The following ACSM4 variants were observed in gnomAD, a reference collection of about 807,000 sequenced individuals.
ACSM4 encodes the protein acyl-coenzyme A synthetase ACSM4, mitochondrial.
In ACSM4, 66 loss-of-function variants were observed where a neutral mutation model predicts 73.0. That is an observed-to-expected ratio of 0.90 (90% CI 0.74 to 1.11). ACSM4 has a LOEUF of 1.11. ACSM4 is among the 50% of genes least tolerant of loss of function. The pLI is 0.00. For missense variants in ACSM4, 645 were observed against 714.4 expected (o/e 0.90, Z 1.11); for synonymous variants, 222 against 254.0 (o/e 0.87, Z 1.20).
chr12:7,304,638 C>A, intron 1 of ACSM4, 106 bp downstream of exon 1: 2 of 1,185,864 alleles, frequency 1.7e-6, no homozygotes, highest in Non-Finnish European at 2.4e-6. Context: ...ACTCTCTCAC[C>A]CTCTTGGTTT....
chr12:7,323,569 A>G lies in ACSM4; in HGVS notation c.1308+9A>G, dbSNP rs1591846483. ...TCTTCTCTAAATATGTGGTATGAGG[A>G]TAGAAAGTGCTGGTCATGCTTAATA... On this transcript the variant is annotated intron_variant, in intron 9 of 12. Transcript: ENST00000399422. 1.2e-6 allele frequency: 2 copies of G among 1,606,698 alleles called. No individual in the cohort carries two copies. Among genetic ancestry groups the G allele is most frequent in the African/African-American group, 2.7e-5 (2 of 74,888 alleles).
chr12:7,311,647 AG>A (rs1414240767), intron 3 of ACSM4, among the ~76,000 whole-genome samples: 2 of 152,218 alleles, frequency 1.3e-5, no homozygotes, highest in Non-Finnish European at 2.9e-5. Context: ...TGGCAAATTC[AG>A]GCCCACAGGC....
chr12:7,322,073 C>T (rs960195408), intron 6 of ACSM4, among the ~76,000 whole-genome samples: 11 of 152,262 alleles, frequency 7.2e-5, no homozygotes, highest in Non-Finnish European at 1.5e-4. Context: ...TACAACATAG[C>T]GACTGATCAA....
chr12:7,320,690 C>A, intron 5 of ACSM4, 35 bp from the exon 6 acceptor site: 1 of 1,564,822 alleles, frequency 6.4e-7, no homozygotes, highest in African/African-American at 1.4e-5. Flanking sequence ...TTTGAATGAC[C>A]ACTTCTGACA....
At chr12:7,328,238 T>C (rs749015252) in intron 12 of ACSM4, 49 bp from the exon 13 acceptor site, 4 of 1,424,672 alleles carry the variant, frequency 2.8e-6, no homozygotes, top group Non-Finnish European at 2.9e-6. Flanking sequence ...GCACGGACAA[T>C]TGGAAGGATG....
intron 6 of ACSM4, 77 bp from the exon 7 acceptor site, chr12:7,322,341 C>T: frequency 6.3e-7 from 1 of 1,591,880 alleles, no homozygotes; most frequent in Non-Finnish European, 8.6e-7. Context: ...ATGCTTACTG[C>T]TTGAATGTCC....
chr12:7,325,355 G>A (rs1301698598), intron 11 of ACSM4, among the ~76,000 whole-genome samples: 2 of 152,214 alleles, frequency 1.3e-5, no homozygotes, highest in African/African-American at 4.8e-5. Context: ...AAGACAAATA[G>A]AAAATGGTGG....
intron 11 of ACSM4, among the ~76,000 whole-genome samples, chr12:7,326,503 C>T (rs1200824242): frequency 6.6e-6 from 1 of 152,176 alleles, no homozygotes; most frequent in African/African-American, 2.4e-5. Context: ...AGCCACCATG[C>T]TCAGCCCTTT....
At chr12:7,328,188 T>C in intron 12 of ACSM4, 99 bp from the exon 13 acceptor site, 1 of 890,410 alleles carries the variant, frequency 1.1e-6, no homozygotes. Flanking sequence ...AATCTCGACT[T>C]TAAAATTCAG....
Position 7,306,615 on chromosome 12 carries a change from G to T in ACSM4, c.284G>T (p.Gly95Val). Residue 95 changes from glycine to valine, a missense_variant, in exon 2 of 13, where the codon GGC (glycine) becomes GTC (valine). Gly to Val is a moderately radical substitution (Grantham distance 109). Coordinates refer to ENST00000399422, the MANE Select transcript of ACSM4 (RefSeq NM_001080454.2). ...GTAAAATGGAGCTTCAGAGAACTGG[G>T]CTCCTTGTCCCGAAAAGCTGCCAAC... ...DEVKWSFREL[G>V]SLSRKAANVL... 1 of 1,604,172 alleles carries T rather than the reference G, an allele frequency of 6.2e-7. No homozygotes were observed. The highest frequency in any genetic ancestry group is 8.5e-7 in the Non-Finnish European group (1 of 1,175,466).
Position 7,304,438 on chromosome 12 carries a change from C to T in ACSM4, c.107C>T (p.Ala36Val), listed in dbSNP as rs750165848. ...CAGCTTTGGACGCCTCTGACTCTTG[C>T]TGACTTTGAAGCCATAAATCGCTGT... ...DHQLWTPLTLADFEAINRCNR... is the reference protein window; with the variant it reads ...DHQLWTPLTLVDFEAINRCNR... The change falls in exon 1 of 13, where the codon GCT becomes GTT. Residue 36 changes from alanine (A) to valine (V), a missense_variant. Physicochemically the swap from Ala to Val is moderately conservative, Grantham distance 64 (BLOSUM62 0). Transcript: ENST00000399422. The T allele has an allele frequency of 1.9e-6, 3 of 1,613,882 alleles. No homozygotes were observed. The highest frequency in any genetic ancestry group is 2.5e-6 in the Non-Finnish European group (3 of 1,179,872).
chr12:7,328,566 A>C lies in ACSM4; in HGVS notation c.*193A>C. ...AAAGCCTCAAAAACGTATGGATGAA[A>C]ATTGTTATAATGACCAAACTGACAA... is the stretch of plus-strand genomic sequence containing the variant. On this transcript the variant is annotated 3_prime_UTR_variant, in exon 13 of 13. Transcript: ENST00000399422. 2.8e-6 allele frequency: 1 copy of C among 354,654 alleles called. No individual in the cohort carries two copies. Among genetic ancestry groups the C allele is most frequent in the Non-Finnish European group, 5.2e-6 (1 of 192,840 alleles). 22.0% of individuals were successfully genotyped at this position (354,654 alleles called of 1,614,324 possible). A position where few individuals can be genotyped will look rare whatever the true frequency, so the allele number is the denominator to read the frequency against.
chr12:7,314,567 T>C (rs1295415998), intron 3 of ACSM4, among the ~76,000 whole-genome samples: 1 of 152,066 alleles, frequency 6.6e-6, no homozygotes, highest in African/African-American at 2.4e-5. Context: ...GATAGGTGGA[T>C]GGATGAATAG....
At chr12:7,307,603 C>T (rs1190877138) in intron 2 of ACSM4, among the ~76,000 whole-genome samples, 1 of 152,172 alleles carries the variant, frequency 6.6e-6, no homozygotes, top group Non-Finnish European at 1.5e-5. Context: ...ACTTTCTCCC[C>T]AAGTAGTAAT....
chr12:7,316,158 A>G (rs1946419456), intron 3 of ACSM4, among the ~76,000 whole-genome samples: 1 of 152,154 alleles, frequency 6.6e-6, no homozygotes, highest in South Asian at 2.1e-4. Flanking sequence ...AATATCTAAG[A>G]ATTTTTGTAC....
intron 12 of ACSM4, among the ~76,000 whole-genome samples, chr12:7,327,532 T>C (rs7961991): frequency 0.2 from 30,724 of 152,090 alleles, 3,490 homozygotes; most frequent in South Asian, 0.3. Flanking sequence ...AAAGAAACTA[T>C]GGAATCTTTC....
rs953557513 is a variant in ACSM4, at chr12:7,328,394, G to A, written c.*21G>A. ...GATAGTTTGATAACAAAGCTGAAGGGTTAAGCAGTAATATGGTTGCTTTCT... is the reference window on the plus strand; with the variant it reads ...GATAGTTTGATAACAAAGCTGAAGGATTAAGCAGTAATATGGTTGCTTTCT... On this transcript the variant is annotated 3_prime_UTR_variant, in exon 13 of 13. Transcript: ENST00000399422. The A allele has an allele frequency of 2.6e-6, 4 of 1,538,614 alleles. No individual in the cohort carries two copies. Among genetic ancestry groups the A allele is most frequent in the Non-Finnish European group, 2.6e-6 (3 of 1,133,164 alleles).
At chr12:7,311,814 TGA>T (rs1178952404) in intron 3 of ACSM4, among the ~76,000 whole-genome samples, 6 of 152,056 alleles carry the variant, frequency 3.9e-5, no homozygotes, top group Non-Finnish European at 7.4e-5. Context: ...CTGAGCCTCC[TGA>T]GTAGCTGGGA....
At chr12:7,304,617 A>C in intron 1 of ACSM4, 85 bp downstream of exon 1, 1 of 1,389,228 alleles carries the variant, frequency 7.2e-7, no homozygotes, top group African/African-American at 1.4e-5. Context: ...TCTACCACTT[A>C]ATTCCAATGC....
Sources: allele counts gnomAD v4.1 joint callset (sites outside exome capture counted in the v4.1 genomes callset), GRCh38; gene constraint gnomAD v4.1.1; transcripts MANE v1.5; gene names NCBI Gene and HGNC (gene_info 2026-07-23, HGNC 2026-07-21).